Variants in SGIP1 observed in about 807,000 individuals in gnomAD.
SGIP1 encodes SH3GL interacting endocytic adaptor 1.
Under a neutral mutation model 107.5 loss-of-function variants are expected in SGIP1, and 38 were observed. The ratio of observed to expected loss-of-function variants is 0.35; its 90% CI spans 0.27 to 0.46. SGIP1 has a LOEUF of 0.46. Among genes scored for constraint, SGIP1 ranks in the 20% least tolerant of loss-of-function variants. The probability of loss-of-function intolerance (pLI) is 1.00; values close to 1 mark genes in which losing one functional copy is unlikely to be tolerated. For missense variants in SGIP1, 929 were observed against 1,019.5 expected (o/e 0.91, Z 1.21); for synonymous variants, 365 against 366.1 (o/e 1.00, Z 0.03).
intron 21 of SGIP1, 143 bp downstream of exon 21, chr1:66,734,023 T>A: frequency 1.1e-6 from 1 of 921,172 alleles, no homozygotes; most frequent in Non-Finnish European, 1.5e-6. Context: ...ATGGAAACTT[T>A]AAAAGATAAC....
intron 7 of SGIP1, among the ~76,000 whole-genome samples, chr1:66,658,061 G>A (rs1051417288): frequency 6.6e-6 from 1 of 152,110 alleles, no homozygotes; most frequent in Non-Finnish European, 1.5e-5. Context: ...AATATATGCG[G>A]TAGCCTGAGG....
intron 3 of SGIP1, among the ~76,000 whole-genome samples, chr1:66,635,132 A>G (rs1294846224): frequency 6.6e-6 from 1 of 152,210 alleles, no homozygotes; most frequent in Non-Finnish European, 1.5e-5. Context: ...GCTTTAATGT[A>G]CTGTTGTTTA....
intron 18 of SGIP1, among the ~76,000 whole-genome samples, chr1:66,711,741 G>A (rs1011236077): frequency 2.8e-4 from 43 of 152,102 alleles, no homozygotes; most frequent in Non-Finnish European, 1.2e-4. Flanking sequence ...CCTGCAAAAT[G>A]GGGACAGTCT....
At chr1:66,676,972 T>C in intron 12 of SGIP1, 32 bp from the exon 13 acceptor site, 1 of 1,554,726 alleles carries the variant, frequency 6.4e-7, no homozygotes, top group Non-Finnish European at 8.7e-7. Flanking sequence ...TTTTTTTAAC[T>C]CACCCTGGGA....
At chr1:66,587,706 G>T (rs189999219) in intron 1 of SGIP1, among the ~76,000 whole-genome samples, 2 of 152,176 alleles carry the variant, frequency 1.3e-5, no homozygotes, top group East Asian at 1.9e-4. Flanking sequence ...ATTCTGGGGA[G>T]TCATCTTTCT....
chr1:66,603,654 T>G (rs2066281782), intron 1 of SGIP1, among the ~76,000 whole-genome samples: 1 of 152,094 alleles, frequency 6.6e-6, no homozygotes, highest in Admixed American at 6.5e-5. Flanking sequence ...ATTCTCAGGG[T>G]AGAAAGCCTA....
At chr1:66,697,689 A>G (rs12029896) in intron 18 of SGIP1, among the ~76,000 whole-genome samples, 23,805 of 152,190 alleles carry the variant, frequency 0.16, 2,035 homozygotes, top group East Asian at 0.28. Context: ...TTCATCATGT[A>G]TGTACGCTAG....
chr1:66,691,047 C>T (rs997314978), intron 17 of SGIP1, among the ~76,000 whole-genome samples: 1 of 152,204 alleles, frequency 6.6e-6, no homozygotes, highest in Non-Finnish European at 1.5e-5. Context: ...CACCTCCCAG[C>T]AGGAGACAGG....
chr1:66,654,420 G>T (rs11208939), intron 7 of SGIP1, among the ~76,000 whole-genome samples: 40,816 of 151,882 alleles, frequency 0.27, 5,553 homozygotes, highest in Admixed American at 0.28. Flanking sequence ...CAGTCATTTA[G>T]TTGTCTTCAA....
intron 1 of SGIP1, among the ~76,000 whole-genome samples, chr1:66,576,544 A>G (rs2061091490): frequency 6.6e-6 from 1 of 152,222 alleles, no homozygotes; most frequent in African/African-American, 2.4e-5. Context: ...ACATGTGAAC[A>G]CTCAAGGAAT....
At chr1:66,595,710 G>A (rs927651583) in intron 1 of SGIP1, among the ~76,000 whole-genome samples, 1 of 152,034 alleles carries the variant, frequency 6.6e-6, no homozygotes, top group Non-Finnish European at 1.5e-5. Flanking sequence ...GCCATAATAT[G>A]GAATCCATAT....
intron 7 of SGIP1, among the ~76,000 whole-genome samples, chr1:66,651,549 A>C (rs2078748663): frequency 8.7e-6 from 1 of 114,286 alleles, no homozygotes; most frequent in African/African-American, 3.4e-5. Flanking sequence ...CTGAATGCTC[A>C]CATGAAATAA....
intron 7 of SGIP1, among the ~76,000 whole-genome samples, chr1:66,654,868 T>C (rs1412822205): frequency 1.3e-5 from 2 of 152,194 alleles, no homozygotes; most frequent in East Asian, 1.9e-4. Context: ...CCTGTCCCAA[T>C]GTGGGCAACA....
intron 7 of SGIP1, among the ~76,000 whole-genome samples, chr1:66,644,983 A>G (rs190335149): frequency 1.2e-3 from 184 of 152,182 alleles, no homozygotes; most frequent in Non-Finnish European, 2.1e-3. Flanking sequence ...GTGGTATTTT[A>G]AAAGCACACT....
intron 17 of SGIP1, among the ~76,000 whole-genome samples, chr1:66,692,872 A>G (rs548942546): frequency 2.0e-5 from 3 of 152,342 alleles, no homozygotes; most frequent in Admixed American, 1.3e-4. Context: ...AGCTGTGATT[A>G]CACAATAGCA....
At chr1:66,641,221 G>T (rs181952012) in intron 5 of SGIP1, among the ~76,000 whole-genome samples, 1 of 152,152 alleles carries the variant, frequency 6.6e-6, no homozygotes, top group Non-Finnish European at 1.5e-5. Context: ...CACATAAAAA[G>T]GGCAACTATG....
At chr1:66,571,008 GT>G (rs1222546206) in intron 1 of SGIP1, among the ~76,000 whole-genome samples, 6 of 151,956 alleles carry the variant, frequency 3.9e-5, no homozygotes, top group Admixed American at 3.9e-4. Flanking sequence ...ATAAATCTTA[GT>G]GTAACTGTGA....
intron 18 of SGIP1, among the ~76,000 whole-genome samples, chr1:66,709,032 T>G (rs982874054): frequency 2.6e-5 from 4 of 152,138 alleles, no homozygotes; most frequent in African/African-American, 4.8e-5. Flanking sequence ...CTGTTATACT[T>G]TAAGTTCTGG....
intron 1 of SGIP1, among the ~76,000 whole-genome samples, chr1:66,571,210 A>G (rs1050100281): frequency 4.6e-5 from 7 of 152,042 alleles, no homozygotes; most frequent in African/African-American, 1.7e-4. Context: ...CAAACAGACA[A>G]ATGGAGTATA....
Sources: gnomAD v4.1 joint callset for allele counts (sites outside exome capture counted in the v4.1 genomes callset) on GRCh38, gnomAD v4.1.1 for gene constraint, MANE v1.5 for transcripts, NCBI Gene and HGNC (gene_info 2026-07-23, HGNC 2026-07-21) for gene names.